CACNG2: variants seen among roughly 807,000 people sequenced by gnomAD.
CACNG2 encodes the protein voltage-dependent calcium channel gamma-2 subunit.
A neutral mutation model predicts 25.9 loss-of-function variants in CACNG2; 3 were observed. The observed-to-expected ratio is 0.12, with a 90% CI of 0.05 to 0.30. The LOEUF (loss-of-function observed/expected upper bound fraction) is 0.30. CACNG2 is among the 10% of genes least tolerant of loss of function. The pLI is 1.00. For missense variants in CACNG2, 341 were observed against 432.5 expected, an observed-to-expected ratio of 0.79 and a Z score of 1.88; for synonymous variants, 167 against 173.3, an observed-to-expected ratio of 0.96 and a Z score of 0.29.
intron 1 of CACNG2, among the ~76,000 whole-genome samples, chr22:36,684,543 T>C (rs900750126): frequency 6.8e-6 from 1 of 146,150 alleles, no homozygotes; most frequent in Non-Finnish European, 1.5e-5. Context: ...TTGAGCCCAG[T>C]AGGTCAAGGC....
intron 1 of CACNG2, among the ~76,000 whole-genome samples, chr22:36,633,991 C>A (rs1044353050): frequency 6.6e-6 from 1 of 152,066 alleles, no homozygotes; most frequent in Non-Finnish European, 1.5e-5. Context: ...GGAGAGGACC[C>A]CAGTGATGGT....
intron 1 of CACNG2, among the ~76,000 whole-genome samples, chr22:36,648,077 G>A (rs933453540): frequency 6.6e-6 from 1 of 152,324 alleles, no homozygotes; most frequent in East Asian, 1.9e-4. Context: ...GAGGAGAAAT[G>A]TTTATGCTCA....
chr22:36,598,901 C>T (rs1935714951), intron 1 of CACNG2, among the ~76,000 whole-genome samples: 1 of 152,154 alleles, frequency 6.6e-6, no homozygotes, highest in Non-Finnish European at 1.5e-5. Context: ...TTGCTTGAAC[C>T]TGGGAGGCGG....
intron 1 of CACNG2, among the ~76,000 whole-genome samples, chr22:36,601,773 G>A (rs1435222226): frequency 6.6e-6 from 1 of 152,192 alleles, no homozygotes; most frequent in Non-Finnish European, 1.5e-5. Context: ...GTGAGCCACT[G>A]CGCCTGGGGA....
intron 1 of CACNG2, among the ~76,000 whole-genome samples, chr22:36,640,518 G>A (rs994552649): frequency 3.3e-5 from 5 of 152,196 alleles, no homozygotes; most frequent in African/African-American, 9.7e-5. Context: ...CAGGGCTCAC[G>A]CTTGGCTGCT....
chr22:36,584,758 G>T (rs1263305680), intron 2 of CACNG2: 1 of 152,276 alleles, frequency 6.6e-6, no homozygotes, highest in African/African-American at 2.4e-5. Flanking sequence ...ATTCCAGCAT[G>T]CAGCATAAAC....
At chr22:36,611,662 T>A (rs1202296733) in intron 1 of CACNG2, among the ~76,000 whole-genome samples, 1 of 152,146 alleles carries the variant, frequency 6.6e-6, no homozygotes, top group Non-Finnish European at 1.5e-5. Flanking sequence ...GCCCCTCCAC[T>A]GGGATCTCTT....
chr22:36,598,872 G>C (rs932700347), intron 1 of CACNG2, among the ~76,000 whole-genome samples: 1 of 152,056 alleles, frequency 6.6e-6, no homozygotes, highest in African/African-American at 2.4e-5. Context: ...CCAGCTACTC[G>C]GGAGGCTGAG....
chr22:36,628,535 T>C (rs1468689945), intron 1 of CACNG2, among the ~76,000 whole-genome samples: 1 of 152,200 alleles, frequency 6.6e-6, no homozygotes, highest in Non-Finnish European at 1.5e-5. Context: ...CTAGTGGAAA[T>C]TGGTGGTTTT....
In CACNG2 at chr22:36,600,693, C is replaced by G. The variant is rs186758999; in HGVS notation, c.212-13145G>C. On this transcript the variant is annotated intron_variant, in intron 1 of 3. Coordinates refer to ENST00000300105, the MANE Select transcript of CACNG2 (RefSeq NM_006078.5). Reference sequence around the variant, plus strand: ...TCCTGAGTAGTTGGAATTACAGACACGCACCACCAAGCTTGGCTAACTTTT... The same window carrying G: ...TCCTGAGTAGTTGGAATTACAGACAGGCACCACCAAGCTTGGCTAACTTTT... 2.0e-5 allele frequency among the ~76,000 whole-genome samples: 3 copies of G among 151,942 alleles called. No homozygotes were observed. In the South Asian group the frequency reaches 6.2e-4, roughly 32 times the overall value.
rs116045098 is a variant in CACNG2 at position 36,664,353 on chromosome 22, G to A, written c.211+38013C>T. ...TTATTGATCGCCTACTCGATGAGAC[G>A]CACTGTTCTAGCCACTGGGGCTCCA... On this transcript the variant is annotated intron_variant, in intron 1 of 3. Coordinates refer to ENST00000300105, the MANE Select transcript of CACNG2 (RefSeq NM_006078.5). 5.5e-3 allele frequency among the ~76,000 whole-genome samples: 845 copies of A among 152,304 alleles called. 4 individuals are homozygous for A. Among genetic ancestry groups the A allele is most frequent in the African/African-American group, 0.019 (804 of 41,562 alleles).
intron 1 of CACNG2, among the ~76,000 whole-genome samples, chr22:36,640,708 G>T (rs1044318613): frequency 1.3e-5 from 2 of 152,038 alleles, no homozygotes; most frequent in African/African-American, 4.8e-5. Flanking sequence ...CTTTGTTTCC[G>T]CGCTTGTTCC....
chr22:36,636,316 C>A (rs949121389), intron 1 of CACNG2, among the ~76,000 whole-genome samples: 2 of 152,136 alleles, frequency 1.3e-5, no homozygotes, highest in African/African-American at 2.4e-5. Context: ...CCCCCAAATG[C>A]GCCAGTGCCA....
In CACNG2 at chr22:36,702,424, G is replaced by T. The variant is rs1937422248; in HGVS notation, c.153C>A (p.Ser51Arg). ...GGGTCATAACTTCCTCGTTCTTTTTGCTGGTTTCATTCTCACTGACACTTT... is the reference window on the plus strand; with the variant it reads ...GGGTCATAACTTCCTCGTTCTTTTTTCTGGTTTCATTCTCACTGACACTTT... Reference protein sequence around the residue: ...KTKSVSENETSKKNEEVMTHS... With the variant: ...KTKSVSENETRKKNEEVMTHS... Residue 51 changes from serine (S) to arginine (R), a missense_variant, in exon 1 of 4, where the codon AGC becomes AGA. By Grantham distance (110) the Ser-to-Arg change is moderately radical (BLOSUM62 -1). Around this residue, in one of 2 missense-constraint regions of CACNG2, gnomAD observed 169 missense variants for 254.4 expected, o/e 0.66. Coordinates refer to ENST00000300105, the MANE Select transcript of CACNG2 (RefSeq NM_006078.5). The T allele has an allele frequency of 6.2e-7, 1 of 1,614,014 alleles. No individual in the cohort carries two copies. Among genetic ancestry groups the T allele is most frequent in the Non-Finnish European group, 8.5e-7 (1 of 1,179,980 alleles).
At chr22:36,610,223 G>A (rs1017586642) in intron 1 of CACNG2, among the ~76,000 whole-genome samples, 1 of 150,252 alleles carries the variant, frequency 6.7e-6, no homozygotes, top group Non-Finnish European at 1.5e-5. Flanking sequence ...GAGCGTGATT[G>A]GGCAGGAATC....
chr22:36,651,925 G>A (rs1234317175), intron 1 of CACNG2, among the ~76,000 whole-genome samples: 7 of 152,090 alleles, frequency 4.6e-5, no homozygotes, highest in Non-Finnish European at 7.3e-5. Context: ...GTGCAGTGGC[G>A]TGATCTCGGC....
intron 1 of CACNG2, among the ~76,000 whole-genome samples, chr22:36,678,464 C>T (rs1275939180): frequency 6.6e-6 from 1 of 151,670 alleles, no homozygotes; most frequent in Non-Finnish European, 1.5e-5. Context: ...CTACTACCCT[C>T]TCTCTACACA....
At chr22:36,635,504 CCCAAA>C (rs1936343194) in intron 1 of CACNG2, among the ~76,000 whole-genome samples, 1 of 151,688 alleles carries the variant, frequency 6.6e-6, no homozygotes, top group Non-Finnish European at 1.5e-5. Flanking sequence ...ACAGAAACAA[CCCAAA>C]CATCTAATAG....
chr22:36,564,483 G>C lies in CACNG2; in HGVS notation c.840C>G (p.Ala280=), dbSNP rs1216833910. The C allele has an allele frequency of 6.2e-7, 1 of 1,613,872 alleles. No homozygotes were observed. Among genetic ancestry groups the C allele is most frequent in the African/African-American group, 1.3e-5 (1 of 74,850 alleles). ...MYTLSRDPLK[A]ATTPTATYNS... is the part of the protein sequence containing the mutation. The stretch of plus-strand genomic sequence containing the variant: ...TGTAGGTGGCGGTGGGCGTGGTGGC[G>C]GCCTTCAGGGGGTCCCTGCTGAGCG... The change falls in exon 4 of 4, where the codon GCC becomes GCG. Residue 280 remains alanine, a synonymous_variant. Transcript: ENST00000300105. The surrounding 1 kb of genome is among the most constrained non-coding windows in gnomAD (Gnocchi z 6.7).
Sources: allele counts gnomAD v4.1 joint callset (sites outside exome capture counted in the v4.1 genomes callset), GRCh38; gene constraint gnomAD v4.1.1; regional missense constraint gnomAD v4.1.1; non-coding constraint Gnocchi (gnomAD v3.1); transcripts MANE v1.5; gene names NCBI Gene and HGNC (gene_info 2026-07-23, HGNC 2026-07-21).